CPSF3: variants seen among roughly 807,000 people sequenced by gnomAD.
CPSF3 encodes cleavage and polyadenylation specificity factor subunit 3.
CPSF3 carries 57 observed loss-of-function variants against 84.1 expected under a neutral mutation model. That is an observed-to-expected ratio of 0.68 (90% CI 0.55 to 0.85). The LOEUF (loss-of-function observed/expected upper bound fraction) is 0.85, where lower values mean the gene tolerates loss of function less well. CPSF3 is among the 40% of genes least tolerant of loss of function. The pLI is 0.00. For missense variants in CPSF3, 522 were observed against 838.8 expected (o/e 0.62, Z 4.66); for synonymous variants, 275 against 278.1 (o/e 0.99, Z 0.11).
At chr2:9,438,500 CTTTTTTTT>C (rs60728053) in intron 7 of CPSF3, among the ~76,000 whole-genome samples, 2 of 130,360 alleles carry the variant, frequency 1.5e-5, no homozygotes, top group Non-Finnish European at 3.3e-5. Context: ...AATATATATT[CTTTTTTTT>C]TTTTTTTTTT....
At chr2:9,434,027 A>G (rs1680689638) in intron 6 of CPSF3, 67 bp downstream of exon 6, 3 of 874,260 alleles carry the variant, frequency 3.4e-6, no homozygotes, top group South Asian at 3.0e-5. Context: ...TTGGAAAATA[A>G]TACTGTGATC....
chr2:9,427,639 G>C (rs1284545687), intron 1 of CPSF3, among the ~76,000 whole-genome samples: 1 of 152,126 alleles, frequency 6.6e-6, no homozygotes, highest in East Asian at 1.9e-4. Context: ...ATCTCAGTTT[G>C]GGGATAGATC....
At chr2:9,457,752 A>T (rs1234676050) in intron 14 of CPSF3, among the ~76,000 whole-genome samples, 1 of 149,546 alleles carries the variant, frequency 6.7e-6, no homozygotes, top group Non-Finnish European at 1.5e-5. Flanking sequence ...ATACATTCTA[A>T]TTTTTTTTTT....
chr2:9,432,829 CT>C, intron 5 of CPSF3, 141 bp downstream of exon 5: 1 of 602,844 alleles, frequency 1.7e-6, no homozygotes, highest in Non-Finnish European at 2.5e-6. Flanking sequence ...ACAGTTAACG[CT>C]TGTTCCTTTT....
chr2:9,459,165 C>G (rs1487877493), intron 14 of CPSF3, among the ~76,000 whole-genome samples: 1 of 151,834 alleles, frequency 6.6e-6, no homozygotes, highest in Non-Finnish European at 1.5e-5. Context: ...ATATACTATA[C>G]TAAATATAAG....
At chr2:9,435,915 T>A (rs1680761918) in intron 6 of CPSF3, among the ~76,000 whole-genome samples, 1 of 151,946 alleles carries the variant, frequency 6.6e-6, no homozygotes, top group African/African-American at 2.4e-5. Flanking sequence ...GTATTTTTAG[T>A]AGAGACAGGG....
chr2:9,460,187 G>T (rs191557716), intron 15 of CPSF3, among the ~76,000 whole-genome samples: 149 of 152,116 alleles, frequency 9.8e-4, no homozygotes, highest in Non-Finnish European at 1.1e-3. Context: ...AAAAATAATT[G>T]AGTCAGGCCG....
At chr2:9,467,081 AC>A (rs1307888245) in intron 15 of CPSF3, among the ~76,000 whole-genome samples, 2 of 152,190 alleles carry the variant, frequency 1.3e-5, no homozygotes. Context: ...GAAGTGCCAG[AC>A]TGTGAGCTCT....
rs780793543 is a variant in CPSF3 at position 9,440,481 on chromosome 2, ATC to A, written c.761-4_761-3del. 2.5e-6 allele frequency: 4 copies of A among 1,603,190 alleles called. No individual in the cohort carries two copies. In the East Asian group the frequency reaches 9.0e-5, roughly 36 times the overall value. On this transcript the variant is annotated splice_region_variant and splice_polypyrimidine_tract_variant and intron_variant, in intron 7 of 17. Coordinates refer to ENST00000238112, the MANE Select transcript of CPSF3 (RefSeq NM_016207.4). ...CAAAGTGATGTTTGTTTCTTGCAAA[ATC>A]TCTCTAGATGAGTACTGGCAGAATC...
At chr2:9,427,975 A>T (rs1284204676) in intron 1 of CPSF3, among the ~76,000 whole-genome samples, 1 of 152,018 alleles carries the variant, frequency 6.6e-6, no homozygotes, top group East Asian at 1.9e-4. Context: ...CACAGTATGA[A>T]TAAGTATTTT....
chr2:9,456,836 TA>T, intron 13 of CPSF3, 96 bp from the exon 14 acceptor site: 2 of 659,580 alleles, frequency 3.0e-6, no homozygotes, highest in Non-Finnish European at 5.0e-6. Flanking sequence ...TTTAATTGTG[TA>T]GCTGCTTTAT....
intron 15 of CPSF3, among the ~76,000 whole-genome samples, chr2:9,465,916 ACTC>A (rs1483354969): frequency 3.3e-5 from 5 of 151,948 alleles, no homozygotes; most frequent in South Asian, 4.1e-4. Context: ...ATTCTGCACT[ACTC>A]TTTGTAACAG....
intron 17 of CPSF3, among the ~76,000 whole-genome samples, chr2:9,471,772 A>G (rs1422514604): frequency 1.3e-5 from 2 of 151,694 alleles, no homozygotes; most frequent in Non-Finnish European, 2.9e-5. Context: ...TGCACCAGCA[A>G]GATCCAAGTG....
At chr2:9,430,124 G>C (rs901706958) in intron 3 of CPSF3, 104 bp downstream of exon 3, 1 of 674,738 alleles carries the variant, frequency 1.5e-6, no homozygotes, top group South Asian at 2.1e-5. Context: ...AGTGTTTTCT[G>C]CTAGGAAGCA....
chr2:9,452,549 G>A (rs1681370365), intron 11 of CPSF3, among the ~76,000 whole-genome samples: 1 of 152,154 alleles, frequency 6.6e-6, no homozygotes, highest in Admixed American at 6.6e-5. Context: ...TCTGTTATGA[G>A]TTTGCAGCCA....
chr2:9,428,652 G>A (rs1404942582), intron 1 of CPSF3, 113 bp from the exon 2 acceptor site: 1 of 671,258 alleles, frequency 1.5e-6, no homozygotes, highest in Non-Finnish European at 2.6e-6. Context: ...GAATTTTTCA[G>A]TGAGGTGCTG....
chr2:9,470,855 C>T (rs1682139325), intron 16 of CPSF3, among the ~76,000 whole-genome samples: 1 of 152,188 alleles, frequency 6.6e-6, no homozygotes, highest in Non-Finnish European at 1.5e-5. Flanking sequence ...TTGAATAAAG[C>T]TGTGTATTTT....
intron 13 of CPSF3, among the ~76,000 whole-genome samples, chr2:9,456,509 A>G (rs897554539): frequency 1.3e-5 from 2 of 152,220 alleles, no homozygotes; most frequent in Non-Finnish European, 2.9e-5. Context: ...GATTAAGAGG[A>G]TGCTAGAAAG....
intron 16 of CPSF3, among the ~76,000 whole-genome samples, chr2:9,469,293 C>G (rs537361339): frequency 3.3e-5 from 5 of 152,086 alleles, no homozygotes; most frequent in Non-Finnish European, 7.4e-5. Flanking sequence ...TGCAGTTTTA[C>G]CTTTGATTTC....
Sources: allele counts gnomAD v4.1 joint callset (sites outside exome capture counted in the v4.1 genomes callset), GRCh38; gene constraint gnomAD v4.1.1; transcripts MANE v1.5; gene names NCBI Gene and HGNC (gene_info 2026-07-23, HGNC 2026-07-21).